PTPRT: variants seen among roughly 807,000 people sequenced by gnomAD.
PTPRT encodes receptor-type tyrosine-protein phosphatase T.
Under a neutral mutation model 176.8 loss-of-function variants are expected in PTPRT, and 56 were observed. That is an observed-to-expected ratio of 0.32 (90% CI 0.26 to 0.40). The LOEUF is 0.40. PTPRT is among the 10% of genes least tolerant of loss of function. The pLI, the probability that PTPRT is intolerant of heterozygous loss-of-function variation, is 1.00. For missense variants in PTPRT, 1,540 were observed against 1,908.2 expected, an observed-to-expected ratio of 0.81 and a Z score of 3.60; for synonymous variants, 783 against 739.0, an observed-to-expected ratio of 1.06 and a Z score of -0.96.
chr20:42,315,492 GTC>G (rs1381280155), intron 12 of PTPRT, among the ~76,000 whole-genome samples: 4 of 152,164 alleles, frequency 2.6e-5, no homozygotes, highest in Admixed American at 2.6e-4. Context: ...GGAGCATATA[GTC>G]TCTGTTACAA....
intron 13 of PTPRT, among the ~76,000 whole-genome samples, chr20:42,277,213 G>A (rs1005228672): frequency 2.6e-5 from 4 of 152,138 alleles, no homozygotes; most frequent in Non-Finnish European, 5.9e-5. Context: ...TAATGGGATC[G>A]TTAGAGAGTG....
chr20:42,224,561 C>G (rs979089184), intron 15 of PTPRT, among the ~76,000 whole-genome samples: 3 of 152,346 alleles, frequency 2.0e-5, no homozygotes, highest in South Asian at 4.1e-4. Context: ...TAATGCTTCA[C>G]GATGCTCTTT....
chr20:42,577,580 G>C (rs2073283381), intron 7 of PTPRT, among the ~76,000 whole-genome samples: 1 of 152,206 alleles, frequency 6.6e-6, no homozygotes, highest in Non-Finnish European at 1.5e-5. Context: ...GCTTCAAAGA[G>C]GTCGGGGGAG....
chr20:42,493,898 C>G (rs1214222135), intron 7 of PTPRT, among the ~76,000 whole-genome samples: 1 of 151,492 alleles, frequency 6.6e-6, no homozygotes, highest in Non-Finnish European at 1.5e-5. Context: ...CAGCTCATTT[C>G]TTCCTCTTCA....
At chr20:42,285,449 T>C (rs1439011031) in intron 12 of PTPRT, among the ~76,000 whole-genome samples, 1 of 151,988 alleles carries the variant, frequency 6.6e-6, no homozygotes, top group Non-Finnish European at 1.5e-5. Flanking sequence ...CTGCTGAGAG[T>C]AATTTCTAAA....
intron 1 of PTPRT, among the ~76,000 whole-genome samples, chr20:42,973,447 CTGTG>C (rs763748495): frequency 3.3e-5 from 5 of 151,244 alleles, no homozygotes; most frequent in Admixed American, 2.0e-4. Flanking sequence ...CTCTCTCTCT[CTGTG>C]TGTGTTTGTG....
At chr20:42,376,672 T>A (rs534469867) in intron 9 of PTPRT, among the ~76,000 whole-genome samples, 33 of 152,214 alleles carry the variant, frequency 2.2e-4, no homozygotes, top group African/African-American at 7.7e-4. Context: ...ATCAGCAGTG[T>A]TCATGACATG....
At chr20:42,775,130 T>C (rs933324101) in intron 4 of PTPRT, among the ~76,000 whole-genome samples, 9 of 152,152 alleles carry the variant, frequency 5.9e-5, no homozygotes, top group Admixed American at 1.3e-4. Flanking sequence ...TGAGACCCAA[T>C]TCCCCCCAGA....
intron 9 of PTPRT, among the ~76,000 whole-genome samples, chr20:42,368,382 T>C (rs909093841): frequency 6.6e-6 from 1 of 151,880 alleles, no homozygotes; most frequent in South Asian, 2.1e-4. Flanking sequence ...AAAATGGGAG[T>C]TCCCTGAGCT....
chr20:42,274,145 G>A (rs1262604619), intron 13 of PTPRT, among the ~76,000 whole-genome samples: 1 of 152,156 alleles, frequency 6.6e-6, no homozygotes, highest in Non-Finnish European at 1.5e-5. Flanking sequence ...TCTATCCTTG[G>A]GCATAGGAAA....
Position 42,161,362 on chromosome 20 carries a change from T to G in PTPRT, c.2672A>C (p.Glu891Ala). ...AGGCTGGTCTCTTACCTCGTATTCC[T>G]CCTTGAACCCGTAGCCCTGGCCTCT... The part of the protein sequence containing the change: ...MKRGQGYGFK[E>A]EYEALPEGQT... The change falls in exon 17 of 31, where the codon GAG becomes GCG. Residue 891 changes from glutamate to alanine, a missense_variant. Glu to Ala is a moderately radical substitution (Grantham distance 107, BLOSUM62 -1). Around this residue, in one of 11 missense-constraint regions of PTPRT, gnomAD observed 248 missense variants for 356.7 expected, o/e 0.70. Coordinates refer to ENST00000373187, the MANE Select transcript of PTPRT (RefSeq NM_007050.6). 1 of 1,614,142 alleles carries G rather than the reference T, an allele frequency of 6.2e-7. No homozygotes were observed. The highest frequency in any genetic ancestry group is 8.5e-7 in the Non-Finnish European group (1 of 1,180,028).
At chr20:43,006,532 C>T (rs1184044454) in intron 1 of PTPRT, among the ~76,000 whole-genome samples, 2 of 152,168 alleles carry the variant, frequency 1.3e-5, no homozygotes, top group African/African-American at 2.4e-5. Flanking sequence ...GTGTGTTTCA[C>T]GATCAGCTTC....
intron 3 of PTPRT, among the ~76,000 whole-genome samples, chr20:42,788,818 G>A (rs208248): frequency 4.6e-5 from 7 of 152,046 alleles, no homozygotes; most frequent in South Asian, 2.1e-4. Flanking sequence ...GAGTTACCCC[G>A]CTTCATCTCC....
chr20:42,819,585 C>G (rs921468416), intron 2 of PTPRT, among the ~76,000 whole-genome samples: 2 of 151,962 alleles, frequency 1.3e-5, no homozygotes, highest in African/African-American at 4.8e-5. Flanking sequence ...CTGAATGCCC[C>G]AATTAAAAGA....
At chr20:42,531,091 T>C (rs746279232) in intron 7 of PTPRT, among the ~76,000 whole-genome samples, 1 of 152,240 alleles carries the variant, frequency 6.6e-6, no homozygotes, top group Non-Finnish European at 1.5e-5. Flanking sequence ...GCTATCTTTC[T>C]TTGTAATCCT....
chr20:43,176,878 G>A lies in PTPRT; in HGVS notation c.88+12768C>T, dbSNP rs182699879. Reference sequence around the variant, plus strand: ...ATAGCAAAAATTGGGATGCTTCTATGTACAAGCAGGATTCTGCTAGTTTGA... The same window carrying A: ...ATAGCAAAAATTGGGATGCTTCTATATACAAGCAGGATTCTGCTAGTTTGA... On this transcript the variant is annotated intron_variant, in intron 1 of 30. Coordinates refer to ENST00000373187, the MANE Select transcript of PTPRT (RefSeq NM_007050.6). Among the ~76,000 whole-genome samples, 133 of 152,296 alleles carry A rather than the reference G, an allele frequency of 8.7e-4. 1 individual carries two copies. Among genetic ancestry groups the A allele is most frequent in the Admixed American group, 5.2e-3 (79 of 15,306 alleles).
chr20:42,918,566 C>A (rs975287601), intron 1 of PTPRT, among the ~76,000 whole-genome samples: 2 of 152,152 alleles, frequency 1.3e-5, no homozygotes, highest in Admixed American at 6.5e-5. Flanking sequence ...CTGCTCTCCT[C>A]ACCCACGCTG....
intron 12 of PTPRT, among the ~76,000 whole-genome samples, chr20:42,286,717 T>C (rs561712933): frequency 2.4e-4 from 37 of 151,694 alleles, no homozygotes; most frequent in Non-Finnish European, 3.2e-4. Flanking sequence ...CTTAAACATA[T>C]AGGCAAAGAA....
chr20:42,801,655 A>G lies in PTPRT; in HGVS notation c.215-10189T>C, dbSNP rs1406429053. 2.0e-5 allele frequency among the ~76,000 whole-genome samples: 3 copies of G among 152,234 alleles called. No individual in the cohort carries two copies. The East Asian group carries it at 5.8e-4, about 29-fold the overall frequency. On this transcript the variant is annotated intron_variant, in intron 2 of 30. Transcript: ENST00000373187. ...ACAGGAATGTGGAAAGTTCTATGAC[A>G]AGGCAAGAACCCAGACTTGATTTGG...
Sources: allele counts gnomAD v4.1 joint callset (sites outside exome capture counted in the v4.1 genomes callset), GRCh38; gene constraint gnomAD v4.1.1; regional missense constraint gnomAD v4.1.1; transcripts MANE v1.5; gene names NCBI Gene and HGNC (gene_info 2026-07-23, HGNC 2026-07-21).